Variants in MUC4 observed in about 807,000 individuals in gnomAD.
MUC4 encodes mucin-4.
A neutral mutation model predicts 257.9 loss-of-function variants in MUC4; 202 were observed. The observed-to-expected ratio is 0.78, with a 90% CI of 0.70 to 0.88. MUC4 has a LOEUF of 0.88. Among genes scored for constraint, MUC4 ranks in the 40% least tolerant of loss-of-function variants. The pLI, the probability that MUC4 is intolerant of heterozygous loss-of-function variation, is 0.00. For missense variants in MUC4, 5,976 were observed against 6,513.7 expected, an observed-to-expected ratio of 0.92 and a Z score of 2.84; for synonymous variants, 2,351 against 2,757.1, an observed-to-expected ratio of 0.85 and a Z score of 4.62.
chr3:195,767,727 TCACCACCACCATCACCATCGCCAC>T lies in MUC4; in HGVS notation c.13530-1000_13530-977del, dbSNP rs1721468508. On this transcript the variant is annotated intron_variant, in intron 7 of 24. Coordinates refer to ENST00000463781, the MANE Select transcript of MUC4 (RefSeq NM_018406.7). ...ATACCACCATCGGCCACCACCACCA[TCACCACCACCATCACCATCGCCAC>T]CACCACCATCACCACCACCACCACC... Among the ~76,000 whole-genome samples, 6 of 1,646 alleles carry T rather than the reference TCACCACCACCATCACCATCGCCAC, an allele frequency of 3.6e-3. 2 individuals carry two copies. The highest frequency in any genetic ancestry group is 0.012 in the Admixed American group (2 of 164). 1.1% of individuals were successfully genotyped at this position (1,646 alleles called of 152,430 possible). A position where few individuals can be genotyped will look rare whatever the true frequency, so the allele number is the denominator to read the frequency against.
chr3:195,771,036 G>T (rs1419179293), intron 5 of MUC4: 1 of 352,036 alleles, frequency 2.8e-6, no homozygotes, highest in Non-Finnish European at 5.7e-6. Context: ...GGTATTCCTG[G>T]TCAGTCTCGT....
intron 11 of MUC4, 99 bp from the exon 12 acceptor site, chr3:195,763,740 A>G: frequency 1.1e-5 from 14 of 1,239,714 alleles, no homozygotes; most frequent in Non-Finnish European, 1.5e-5. Context: ...AGGAGGACTC[A>G]GGGTGAGGTT....
At chr3:195,811,052 CCTCT>C (rs1027422354) in intron 1 of MUC4, among the ~76,000 whole-genome samples, 6 of 152,016 alleles carry the variant, frequency 3.9e-5, no homozygotes, top group African/African-American at 1.2e-4. Context: ...GAGCATTCTC[CCTCT>C]GTCTTTCCCC....
At chr3:195,769,480 C>T (rs1722326840) in intron 6 of MUC4, 2 of 318,158 alleles carry the variant, frequency 6.3e-6, no homozygotes, top group Admixed American at 8.4e-5. Context: ...GCCAAGATAC[C>T]AGAGAGCTAG....
Position 195,781,610 on chromosome 3 carries a change from C to G in MUC4, c.9970G>C (p.Gly3324Arg). The G allele has an allele frequency of 3.7e-6, 2 of 533,800 alleles. No individual in the cohort carries two copies. Among genetic ancestry groups the G allele is most frequent in the South Asian group, 3.2e-5 (1 of 30,928 alleles). 33.1% of individuals were successfully genotyped at this position (533,800 alleles called of 1,614,324 possible). A position where few individuals can be genotyped will look rare whatever the true frequency, so the allele number is the denominator to read the frequency against. ...GTGACATGAAGAGGGGTGGCGTGAC[C>G]TGTGGATGCTGAGGAAGCGTCGGTG... ...LVTDASSAST[G>R]HATPLHVTSP... The change falls in exon 2 of 25, where the codon GGT (glycine) becomes CGT (arginine). Residue 3324 changes from glycine (G) to arginine (R), a missense_variant. Transcript: ENST00000463781.
rs187911226 is a variant in MUC4, at chr3:195,796,227, C to T, written c.83-4730G>A. On this transcript the variant is annotated intron_variant, in intron 1 of 24. Transcript: ENST00000463781. ...CCTCCCAAGTAGCTGGGATTACAGGCGCATGCCACCACGCCCGGCTAATTT... is the reference window on the plus strand; with the variant it reads ...CCTCCCAAGTAGCTGGGATTACAGGTGCATGCCACCACGCCCGGCTAATTT... Among the ~76,000 whole-genome samples, 1,042 of 152,026 alleles carry T rather than the reference C, an allele frequency of 6.9e-3. 10 individuals are homozygous for T. The highest frequency in any genetic ancestry group is 0.023 in the African/African-American group (954 of 41,494).
At chr3:195,805,412 T>C (rs917095077) in intron 1 of MUC4, among the ~76,000 whole-genome samples, 1 of 151,948 alleles carries the variant, frequency 6.6e-6, no homozygotes, top group Non-Finnish European at 1.5e-5. Flanking sequence ...AACGCCTCCT[T>C]CTCGGAGGTG....
rs1385867225 is a variant in MUC4, at chr3:195,788,653, G to T, written c.2927C>A (p.Pro976His). The T allele has an allele frequency of 1.9e-6, 3 of 1,610,466 alleles. No individual in the cohort carries two copies. The highest frequency in any genetic ancestry group is 1.7e-5 in the Admixed American group (1 of 59,372). Residue 976 changes from proline to histidine, a missense_variant, in exon 2 of 25, where the codon CCT becomes CAT. By Grantham distance (77) the Pro-to-His change is moderately conservative (BLOSUM62 -2). Coordinates refer to ENST00000463781, the MANE Select transcript of MUC4 (RefSeq NM_018406.7). Reference sequence around the variant, plus strand: ...CGAGGAAGCGTAGGTGACAGGAAGAGGGGTGGCGTTGCTGATGAGGGCCGT... The same window carrying T: ...CGAGGAAGCGTAGGTGACAGGAAGATGGGTGGCGTTGCTGATGAGGGCCGT... Reference protein sequence around the residue: ...FTTALISNATPLPVTYASSAS... With the variant: ...FTTALISNATHLPVTYASSAS...
At chr3:195,805,981 T>C (rs1375442725) in intron 1 of MUC4, among the ~76,000 whole-genome samples, 1 of 140,914 alleles carries the variant, frequency 7.1e-6, no homozygotes, top group Non-Finnish European at 1.6e-5. Context: ...CAGAGCATGG[T>C]GGCATGTGCC....
At chr3:195,747,924 G>T (rs112806055) in intron 24 of MUC4, among the ~76,000 whole-genome samples, 8 of 152,254 alleles carry the variant, frequency 5.3e-5, no homozygotes, top group African/African-American at 1.9e-4. Context: ...CACCTGGGCG[G>T]CAGGGATGCC....
chr3:195,778,402 G>A lies in MUC4; in HGVS notation c.12844C>T (p.Pro4282Ser), dbSNP rs768711442. 3.1e-6 allele frequency: 5 copies of A among 1,613,078 alleles called. No individual in the cohort carries two copies. Among genetic ancestry groups the A allele is most frequent in the African/African-American group, 2.7e-5 (2 of 74,906 alleles). Residue 4282 changes from proline to serine, a missense_variant, in exon 3 of 25, where the codon CCA becomes TCA. Pro to Ser is a moderately conservative substitution (Grantham distance 74). This residue lies in a region of MUC4 where 233 missense variants were observed against 171.2 expected (regional missense o/e 1.36). Coordinates refer to ENST00000463781, the MANE Select transcript of MUC4 (RefSeq NM_018406.7). ...ATGGTCTGGGAGGTTGTGGGGGGTGGTGATGTGGCTGTGCGTCTCCCACCG... is the reference window on the plus strand; with the variant it reads ...ATGGTCTGGGAGGTTGTGGGGGGTGATGATGTGGCTGTGCGTCTCCCACCG... ...TDGGRRTATS[P>S]PPTTSQTIIS...
chr3:195,762,077 C>A lies in MUC4; in HGVS notation c.14512+10G>T, dbSNP rs1445772278. 6.3e-7 allele frequency: 1 copy of A among 1,578,222 alleles called. No homozygotes were observed. Among genetic ancestry groups the A allele is most frequent in the South Asian group, 1.2e-5 (1 of 86,954 alleles). ...GCGGAGCCTCAGAGGCAGGTCCGAG[C>A]CGCCCTCACCCAGGAGCCCCTCCGT... On this transcript the variant is annotated intron_variant, in intron 14 of 24. Transcript: ENST00000463781.
intron 19 of MUC4, chr3:195,753,973 G>A (rs1172005064): frequency 1.0e-5 from 5 of 497,458 alleles, no homozygotes; most frequent in South Asian, 8.0e-5. Flanking sequence ...CCCTATGCCT[G>A]TACAACCTCT....
At position 195,782,670 on chromosome 3, in the gene MUC4, GGATGCTGAGGAAGTGTCGGT is replaced by G; in HGVS notation, c.8890_8909del (p.Thr2964HisfsTer9). ...CAGGAAGAGGGGTGGCGTGACCTGT[GGATGCTGAGGAAGTGTCGGT>G]GACAGGAAGAGAGGTGGCGTGACCT... On this transcript the variant is annotated frameshift_variant, in exon 2 of 25. Transcript: ENST00000463781. LOFTEE classifies it high-confidence loss of function. 7.8e-7 allele frequency: 1 copy of G among 1,281,348 alleles called. No homozygotes were observed. The highest frequency in any genetic ancestry group is 1.1e-6 in the Non-Finnish European group (1 of 940,678). The allele number at this position is 1,281,348 out of a possible 1,614,324, so 79.4% of individuals were successfully genotyped here. A position where few individuals can be genotyped will look rare whatever the true frequency, so the allele number is the denominator to read the frequency against.
Position 195,780,672 on chromosome 3 carries a change from G to T in MUC4, c.10908C>A (p.Thr3636=), listed in dbSNP as rs879756644. The T allele has an allele frequency of 4.5e-3, 5,605 of 1,245,134 alleles. 187 individuals are homozygous for T. The highest frequency in any genetic ancestry group is 0.012 in the Middle Eastern group (35 of 2,938). 77.1% of individuals were successfully genotyped at this position (1,245,134 alleles called of 1,614,324 possible). A position where few individuals can be genotyped will look rare whatever the true frequency, so the allele number is the denominator to read the frequency against. ...CACCTGTGGATACTGAGGAAAGGCT[G>T]GTGACAGGAAGAGGGGTGGCCTGAC... ...STGQATPLPV[T]SLSSVSTGDT... The change falls in exon 2 of 25, where the codon ACC becomes ACA. Residue 3636 remains threonine, a synonymous_variant. Transcript: ENST00000463781.
rs1250035672 is a variant in MUC4, at chr3:195,778,367, G to T, written c.12879C>A (p.Thr4293=). ...GGGTGTGCATGGCAGTGCTGGGAAT[G>T]GTGGAAATGATGGTCTGGGAGGTTG... ...PPTTSQTIIS[T]IPSTAMHTRS... is the part of the protein sequence containing the mutation. Residue 4293 remains threonine, a synonymous_variant, in exon 3 of 25, where the codon ACC becomes ACA. Transcript: ENST00000463781. The T allele has an allele frequency of 1.9e-6, 3 of 1,613,176 alleles. No individual in the cohort carries two copies. The highest frequency in any genetic ancestry group is 2.2e-5 in the East Asian group (1 of 44,884).
rs749790548 is a variant in MUC4, at chr3:195,779,210, C to A, written c.12370G>T (p.Gly4124Cys). The change falls in exon 2 of 25, where the codon GGT becomes TGT. Residue 4124 changes from glycine (G) to cysteine (C), a missense_variant. By Grantham distance (159) the Gly-to-Cys change is radical. Coordinates refer to ENST00000463781, the MANE Select transcript of MUC4 (RefSeq NM_018406.7). ...GTGACAGGAAGAGGGGTGGCCTGAC[C>A]TGTGGATGCAGAGGAAGTGTCGGTG... is the stretch of plus-strand genomic sequence containing the variant. ...PVTDTSSAST[G>C]QATPLPVTSL... 6.1e-5 allele frequency: 80 copies of A among 1,309,978 alleles called. 10 individuals are homozygous for A. The African/African-American group carries it at 1.6e-3, about 27-fold the overall frequency. 81.1% of individuals were successfully genotyped at this position (1,309,978 alleles called of 1,614,324 possible).
Position 195,788,731 on chromosome 3 carries a change from G to A in MUC4, c.2849C>T (p.Pro950Leu). ...TGACAGAGTGTGGGTCTCGGTTTGT[G>A]GAGATGTAAGCCCAGTGGATGTGAT... The part of the protein sequence containing the change: ...PSITSTGLTS[P>L]QTETHTLSPS... Residue 950 changes from proline (P) to leucine (L), a missense_variant, in exon 2 of 25, where the codon CCA becomes CTA. Pro to Leu is a moderately conservative substitution (Grantham distance 98). Around this residue, in one of 44 missense-constraint regions of MUC4, gnomAD observed 1,583 missense variants for 1,257.4 expected, o/e 1.26. Transcript: ENST00000463781. 6.2e-7 allele frequency: 1 copy of A among 1,613,762 alleles called. No homozygotes were observed. The highest frequency in any genetic ancestry group is 8.5e-7 in the Non-Finnish European group (1 of 1,179,804).
rs1262886949 is a variant in MUC4, at chr3:195,780,375, G to C, written c.11205C>G (p.Ser3735=). ...HVTPLHVTSP[S]SASTGHVTPL... ...GGGTGACGTGACCTGTGGATGCTGA[G>C]GAAGGGCTGGTGACATGAAGAGGGG... The change falls in exon 2 of 25, where the codon TCC becomes TCG. Residue 3735 remains serine, a synonymous_variant. Coordinates refer to ENST00000463781, the MANE Select transcript of MUC4 (RefSeq NM_018406.7). The C allele has an allele frequency of 4.9e-6, 7 of 1,420,932 alleles. No individual in the cohort carries two copies. The South Asian group carries it at 5.0e-5, about 10-fold the overall frequency. 88.0% of individuals were successfully genotyped at this position (1,420,932 alleles called of 1,614,324 possible). A position where few individuals can be genotyped will look rare whatever the true frequency, so the allele number is the denominator to read the frequency against.
Sources: gnomAD v4.1 joint callset for allele counts (sites outside exome capture counted in the v4.1 genomes callset) on GRCh38, gnomAD v4.1.1 for gene constraint, gnomAD v4.1.1 regional missense constraint, MANE v1.5 for transcripts, NCBI Gene and HGNC (gene_info 2026-07-23, HGNC 2026-07-21) for gene names.